Variants in ADCY9 observed in about 807,000 individuals in gnomAD.
ADCY9 encodes adenylate cyclase type 9.
In ADCY9, 50 loss-of-function variants were observed where a neutral mutation model predicts 101.5. The observed-to-expected ratio is 0.49, with a 90% confidence interval of 0.39 to 0.62. The LOEUF (loss-of-function observed/expected upper bound fraction) is 0.62. Among genes scored for constraint, ADCY9 ranks in the 20% least tolerant of loss-of-function variants. The pLI, the probability that ADCY9 is intolerant of heterozygous loss-of-function variation, is 0.00. For missense variants in ADCY9, 1,662 were observed against 1,800.4 expected (o/e 0.92, Z 1.39); for synonymous variants, 905 against 769.3 (o/e 1.18, Z -2.92).
intron 3 of ADCY9, among the ~76,000 whole-genome samples, chr16:4,005,295 CA>C (rs1317136655): frequency 6.6e-6 from 1 of 152,222 alleles, no homozygotes; most frequent in Non-Finnish European, 1.5e-5. Flanking sequence ...GTGGCAAAAT[CA>C]TAGCTCATGC....
chr16:4,066,092 G>C (rs2056799584), intron 2 of ADCY9, among the ~76,000 whole-genome samples: 2 of 152,206 alleles, frequency 1.3e-5, no homozygotes, highest in South Asian at 4.2e-4. Context: ...CACCGCAGAG[G>C]AGACGGTTCT....
intron 5 of ADCY9, among the ~76,000 whole-genome samples, chr16:3,955,638 C>A (rs1368523839): frequency 6.6e-6 from 1 of 151,078 alleles, no homozygotes; most frequent in Non-Finnish European, 1.5e-5. Context: ...CTCTGCCTCC[C>A]AGAGGTTCCA....
intron 2 of ADCY9, among the ~76,000 whole-genome samples, chr16:4,015,396 C>A (rs576145809): frequency 6.6e-6 from 1 of 152,074 alleles, no homozygotes; most frequent in East Asian, 1.9e-4. Flanking sequence ...TTTACTAGCA[C>A]GAGCCTTCAC....
intron 3 of ADCY9, among the ~76,000 whole-genome samples, chr16:4,005,822 C>T (rs912152959): frequency 1.3e-5 from 2 of 152,162 alleles, no homozygotes; most frequent in Non-Finnish European, 2.9e-5. Flanking sequence ...TCGGGGCTGT[C>T]TTTCACGACT....
chr16:4,063,779 C>A (rs1431435440), intron 2 of ADCY9, among the ~76,000 whole-genome samples: 1 of 150,176 alleles, frequency 6.7e-6, no homozygotes, highest in Non-Finnish European at 1.5e-5. Flanking sequence ...AACTAAATCC[C>A]AAAAAAAGCA....
chr16:3,978,380 G>A lies in ADCY9; in HGVS notation c.2679+736C>T, dbSNP rs565062849. 2.0e-5 allele frequency among the ~76,000 whole-genome samples: 3 copies of A among 152,316 alleles called. No individual in the cohort carries two copies. The South Asian group carries it at 6.2e-4, about 32-fold the overall frequency. On this transcript the variant is annotated intron_variant, in intron 8 of 10. Coordinates refer to ENST00000294016, the MANE Select transcript of ADCY9 (RefSeq NM_001116.4). ...TGCACCAGAAGGATCATCTCCCACGGCCGTGCTGGTTCCCTCTCCACGGAG... is the reference window on the plus strand; with the variant it reads ...TGCACCAGAAGGATCATCTCCCACGACCGTGCTGGTTCCCTCTCCACGGAG...
At chr16:4,047,939 C>T (rs1171275056) in intron 2 of ADCY9, among the ~76,000 whole-genome samples, 1 of 152,196 alleles carries the variant, frequency 6.6e-6, no homozygotes, top group Non-Finnish European at 1.5e-5. Flanking sequence ...CATCTGGTGA[C>T]TGAGGCCTGG....
chr16:4,110,636 C>T (rs935865418), intron 2 of ADCY9, among the ~76,000 whole-genome samples: 1 of 152,166 alleles, frequency 6.6e-6, no homozygotes, highest in Non-Finnish European at 1.5e-5. Context: ...GTGATCCACC[C>T]GCCTTGGCCT....
intron 2 of ADCY9, among the ~76,000 whole-genome samples, chr16:4,097,769 A>G (rs1453795170): frequency 2.0e-5 from 3 of 148,754 alleles, no homozygotes; most frequent in Non-Finnish European, 4.5e-5. Context: ...CTGTTCTTGA[A>G]CTCCTGACCT....
intron 2 of ADCY9, among the ~76,000 whole-genome samples, chr16:4,039,897 G>C (rs1432023898): frequency 1.3e-5 from 2 of 152,028 alleles, no homozygotes; most frequent in Non-Finnish European, 2.9e-5. Context: ...AAATTAGCTG[G>C]GCATGATGGT....
chr16:4,005,298 A>G (rs2056360009), intron 3 of ADCY9, among the ~76,000 whole-genome samples: 1 of 152,196 alleles, frequency 6.6e-6, no homozygotes, highest in Admixed American at 6.5e-5. Flanking sequence ...GCAAAATCAT[A>G]GCTCATGCAG....
intron 10 of ADCY9, among the ~76,000 whole-genome samples, chr16:3,973,565 C>A (rs979595485): frequency 1.3e-5 from 2 of 152,050 alleles, no homozygotes; most frequent in African/African-American, 4.8e-5. Context: ...AGGACACCAT[C>A]ACAGCTCAAT....
At chr16:4,077,004 G>C (rs921291421) in intron 2 of ADCY9, among the ~76,000 whole-genome samples, 3 of 151,296 alleles carry the variant, frequency 2.0e-5, no homozygotes, top group African/African-American at 7.3e-5. Flanking sequence ...TTGAACCTCA[G>C]AGGTGGACGT....
chr16:4,030,582 A>G (rs1029079342), intron 2 of ADCY9, among the ~76,000 whole-genome samples: 9 of 152,124 alleles, frequency 5.9e-5, no homozygotes, highest in Non-Finnish European at 1.2e-4. Context: ...GGGTGCCTGT[A>G]GTCCCAGCTC....
At chr16:4,023,889 G>C (rs554115063) in intron 2 of ADCY9, among the ~76,000 whole-genome samples, 80 of 152,228 alleles carry the variant, frequency 5.3e-4, no homozygotes, top group East Asian at 3.5e-3. Flanking sequence ...CAGCCTGGGG[G>C]ACGGTAGGAG....
chr16:3,977,267 T>C (rs113072194), intron 9 of ADCY9, among the ~76,000 whole-genome samples: 45 of 152,374 alleles, frequency 3.0e-4, no homozygotes, highest in African/African-American at 1.1e-3. Context: ...CAGAGTGCTG[T>C]TCTAAATGAT....
chr16:4,021,501 T>C lies in ADCY9; in HGVS notation c.1694-13943A>G, dbSNP rs371061766. ...CACCTGCCAACCTATCCCCTCACCA[T>C]CTACCGGCACCAAGTCTGTGTGAGC... is the stretch of plus-strand genomic sequence containing the variant. On this transcript the variant is annotated intron_variant, in intron 2 of 10. Coordinates refer to ENST00000294016, the MANE Select transcript of ADCY9 (RefSeq NM_001116.4). 2.9e-3 allele frequency among the ~76,000 whole-genome samples: 440 copies of C among 152,290 alleles called. 1 individual carries two copies. Among genetic ancestry groups the C allele is most frequent in the African/African-American group, 1.0e-2 (414 of 41,558 alleles).
intron 10 of ADCY9, among the ~76,000 whole-genome samples, chr16:3,974,153 C>A (rs1041002226): frequency 8.5e-5 from 13 of 152,132 alleles, no homozygotes; most frequent in African/African-American, 3.1e-4. Context: ...GCCATTCTCC[C>A]GCCTCAGCCT....
intron 2 of ADCY9, among the ~76,000 whole-genome samples, chr16:4,039,836 C>G (rs2056614969): frequency 6.6e-6 from 1 of 152,038 alleles, no homozygotes; most frequent in Non-Finnish European, 1.5e-5. Context: ...CTCGGGTGTT[C>G]AAGACCAGCC....
Sources: allele counts gnomAD v4.1 joint callset (sites outside exome capture counted in the v4.1 genomes callset), GRCh38; gene constraint gnomAD v4.1.1; transcripts MANE v1.5; gene names NCBI Gene and HGNC (gene_info 2026-07-23, HGNC 2026-07-21).